DNER: variants seen among roughly 807,000 people sequenced by gnomAD.
The protein encoded by DNER is delta/notch like EGF repeat containing, also known as delta and Notch-like epidermal growth factor-related receptor.
A neutral mutation model predicts 78.2 loss-of-function variants in DNER; 33 were observed. That is an observed-to-expected ratio of 0.42 (90% CI 0.32 to 0.56). The LOEUF is 0.56. DNER is among the 20% of genes least tolerant of loss of function. The pLI, the probability that DNER is intolerant of heterozygous loss-of-function variation, is 0.11. For synonymous variants in DNER, 417 were observed against 384.8 expected (o/e 1.08, Z -0.98); for missense variants, 918 against 975.3 (o/e 0.94, Z 0.78).
At chr2:229,437,505 T>A (rs1185782756) in intron 8 of DNER, among the ~76,000 whole-genome samples, 1 of 152,136 alleles carries the variant, frequency 6.6e-6, no homozygotes, top group Non-Finnish European at 1.5e-5. Flanking sequence ...AGGCTACAAG[T>A]CCAGAAAAAA....
At chr2:229,360,079 C>T (rs1255989187) in intron 12 of DNER, among the ~76,000 whole-genome samples, 3 of 152,202 alleles carry the variant, frequency 2.0e-5, no homozygotes, top group African/African-American at 7.2e-5. Context: ...GTGAGGCCTG[C>T]ATAATCTAAG....
intron 1 of DNER, among the ~76,000 whole-genome samples, chr2:229,621,175 GATAA>G (rs1698245722): frequency 6.6e-6 from 1 of 151,522 alleles, no homozygotes; most frequent in Admixed American, 6.6e-5. Context: ...AAACAAAAGT[GATAA>G]ATAATAACTA....
intron 7 of DNER, among the ~76,000 whole-genome samples, chr2:229,465,302 C>T (rs974340497): frequency 1.3e-5 from 2 of 152,140 alleles, no homozygotes; most frequent in African/African-American, 4.8e-5. Context: ...GAGCTTGAAG[C>T]CATTGTCTTC....
chr2:229,552,976 G>T (rs1696778017), intron 4 of DNER, among the ~76,000 whole-genome samples: 1 of 152,172 alleles, frequency 6.6e-6, no homozygotes, highest in Non-Finnish European at 1.5e-5. Context: ...GTGGCCATGT[G>T]CTTTGGAAAT....
At chr2:229,570,624 C>A (rs377164790) in intron 4 of DNER, among the ~76,000 whole-genome samples, 126 of 140,450 alleles carry the variant, frequency 9.0e-4, no homozygotes, top group South Asian at 9.2e-4. Flanking sequence ...AACTCCATCT[C>A]AAAAAAAAAA....
chr2:229,614,224 A>T (rs1698110290), intron 1 of DNER, among the ~76,000 whole-genome samples: 2 of 151,904 alleles, frequency 1.3e-5, no homozygotes, highest in Admixed American at 1.3e-4. Context: ...ATAAAAAATA[A>T]AAATAAATAA....
intron 4 of DNER, among the ~76,000 whole-genome samples, chr2:229,569,664 C>T (rs1284856517): frequency 6.6e-6 from 1 of 152,080 alleles, no homozygotes; most frequent in Non-Finnish European, 1.5e-5. Flanking sequence ...AAGGTCAATG[C>T]TATGTAAATT....
chr2:229,575,194 A>C, intron 4 of DNER, among the ~76,000 whole-genome samples: 1 of 152,120 alleles, frequency 6.6e-6, no homozygotes, highest in East Asian at 1.9e-4. Flanking sequence ...GAGAGAGAAA[A>C]TGAGGCAGAA....
At chr2:229,606,672 C>T (rs1421236920) in intron 1 of DNER, among the ~76,000 whole-genome samples, 1 of 152,098 alleles carries the variant, frequency 6.6e-6, no homozygotes, top group East Asian at 1.9e-4. Context: ...GCAGGAGGAT[C>T]ACTGGAGGTC....
At chr2:229,612,257 T>A (rs962310275) in intron 1 of DNER, among the ~76,000 whole-genome samples, 2 of 152,144 alleles carry the variant, frequency 1.3e-5, no homozygotes, top group Non-Finnish European at 2.9e-5. Context: ...GGAATTGGGA[T>A]CTCTGGTCAC....
chr2:229,438,112 G>C (rs1694161257), intron 8 of DNER, among the ~76,000 whole-genome samples: 1 of 152,208 alleles, frequency 6.6e-6, no homozygotes, highest in Non-Finnish European at 1.5e-5. Context: ...CAAAGAAGTG[G>C]ATTGCTGGAT....
rs557401606 is a variant in DNER, at chr2:229,713,583, C to T, written c.276+565G>A. Reference sequence around the variant, plus strand: ...GGGCTGGTCGCAGGCCGAGGGGAGGCAGCTGCCCTCCTCGTCCTCTGGCTG... The same window carrying T: ...GGGCTGGTCGCAGGCCGAGGGGAGGTAGCTGCCCTCCTCGTCCTCTGGCTG... On this transcript the variant is annotated intron_variant, in intron 1 of 12. Coordinates refer to ENST00000341772, the MANE Select transcript of DNER (RefSeq NM_139072.4). Among the ~76,000 whole-genome samples the T allele has an allele frequency of 1.2e-4, 18 of 152,366 alleles. No homozygotes were observed. The South Asian group carries it at 3.7e-3, about 32-fold the overall frequency.
At chr2:229,641,997 G>A (rs1334174805) in intron 1 of DNER, among the ~76,000 whole-genome samples, 1 of 152,146 alleles carries the variant, frequency 6.6e-6, no homozygotes, top group Non-Finnish European at 1.5e-5. Context: ...ATCAGAGAAG[G>A]GAGAAACAAG....
intron 9 of DNER, 140 bp downstream of exon 9, chr2:229,417,968 C>A: frequency 1.4e-6 from 2 of 1,389,732 alleles, no homozygotes; most frequent in South Asian, 1.4e-5. Flanking sequence ...CTCCTTGGAC[C>A]GATTAATCAT....
At chr2:229,579,863 A>G (rs181728442) in intron 4 of DNER, among the ~76,000 whole-genome samples, 3 of 152,128 alleles carry the variant, frequency 2.0e-5, no homozygotes, top group Non-Finnish European at 2.9e-5. Flanking sequence ...CAGTCAAGAT[A>G]GAAGCTTGGT....
intron 8 of DNER, among the ~76,000 whole-genome samples, chr2:229,423,841 C>T (rs2106351665): frequency 6.6e-6 from 1 of 152,312 alleles, no homozygotes. Context: ...TTTACAGTAG[C>T]TCTTCCCACC....
At chr2:229,674,668 C>T (rs1699272586) in intron 1 of DNER, among the ~76,000 whole-genome samples, 1 of 152,232 alleles carries the variant, frequency 6.6e-6, no homozygotes, top group South Asian at 2.1e-4. Context: ...CATCTCTTAT[C>T]ATGTCACCAT....
At chr2:229,441,142 A>T (rs959919005) in intron 8 of DNER, among the ~76,000 whole-genome samples, 1 of 152,054 alleles carries the variant, frequency 6.6e-6, no homozygotes, top group Non-Finnish European at 1.5e-5. Flanking sequence ...CCTGCAGCAA[A>T]CTGGATCCAC....
At chr2:229,665,099 T>C (rs150727084) in intron 1 of DNER, among the ~76,000 whole-genome samples, 4 of 152,302 alleles carry the variant, frequency 2.6e-5, no homozygotes, top group African/African-American at 9.6e-5. Context: ...TAGGGCTAAT[T>C]TTCTTTTGCA....
Sources: gnomAD v4.1 joint callset for allele counts (sites outside exome capture counted in the v4.1 genomes callset) on GRCh38, gnomAD v4.1.1 for gene constraint, MANE v1.5 for transcripts, NCBI Gene and HGNC (gene_info 2026-07-23, HGNC 2026-07-21) for gene names.